Variants in NCOA1 observed in about 807,000 individuals in gnomAD.
NCOA1 encodes the protein Hin-2 protein.
Under a neutral mutation model 150.9 loss-of-function variants are expected in NCOA1, and 35 were observed. That is an observed-to-expected ratio of 0.23 (90% CI 0.18 to 0.31). The LOEUF is 0.31. Ranked by LOEUF, NCOA1 falls within the 10% of genes least tolerant of loss-of-function variation. The pLI is 1.00. For synonymous variants in NCOA1, 590 were observed against 630.0 expected (o/e 0.94, Z 0.95); for missense variants, 1,491 against 1,749.3 (o/e 0.85, Z 2.63).
intron 1 of NCOA1, among the ~76,000 whole-genome samples, chr2:24,503,623 A>G (rs892420077): frequency 2.0e-5 from 3 of 152,200 alleles, no homozygotes; most frequent in African/African-American, 7.2e-5. Context: ...ACAATACAAA[A>G]TATGTCACAT....
chr2:24,645,823 A>G (rs563838150), intron 4 of NCOA1, among the ~76,000 whole-genome samples: 3 of 152,288 alleles, frequency 2.0e-5, no homozygotes, highest in South Asian at 2.1e-4. Flanking sequence ...GTTGTTTCCA[A>G]TCAGGACTGT....
intron 4 of NCOA1, among the ~76,000 whole-genome samples, chr2:24,645,758 G>A (rs1670441022): frequency 6.6e-6 from 1 of 152,076 alleles, no homozygotes; most frequent in East Asian, 1.9e-4. Flanking sequence ...TCAGATTGTG[G>A]AGCATATCGG....
chr2:24,537,502 C>G lies in NCOA1; in HGVS notation c.-395-26793C>G, dbSNP rs1033160665. Reference sequence around the variant, plus strand: ...TATGTATGTGTGTGTGTGTGTGTCTCTCTCTCTCTCTCTGTATATATATAA... The same window carrying G: ...TATGTATGTGTGTGTGTGTGTGTCTGTCTCTCTCTCTCTGTATATATATAA... On this transcript the variant is annotated intron_variant, in intron 1 of 22. Transcript: ENST00000348332. Among the ~76,000 whole-genome samples, 31 of 151,588 alleles carry G rather than the reference C, an allele frequency of 2.0e-4. 1 individual carries two copies. Among genetic ancestry groups the G allele is most frequent in the African/African-American group, 7.5e-4 (31 of 41,290 alleles).
chr2:24,516,983 C>CGTATATATACGTGTATATATAT lies in NCOA1; in HGVS notation c.-396+25390_-396+25391insCGTGTATATATATGTATATATA, dbSNP rs1326924141. Among the ~76,000 whole-genome samples, 56 of 51,408 alleles carry CGTATATATACGTGTATATATAT rather than the reference C, an allele frequency of 1.1e-3. 4 individuals are homozygous for CGTATATATACGTGTATATATAT. Among genetic ancestry groups the CGTATATATACGTGTATATATAT allele is most frequent in the African/African-American group, 2.3e-3 (56 of 24,250 alleles). 33.7% of individuals were successfully genotyped at this position (51,408 alleles called of 152,430 possible). On this transcript the variant is annotated intron_variant, in intron 1 of 22. Coordinates refer to ENST00000348332, the MANE Select transcript of NCOA1 (RefSeq NM_003743.5). ...ATATATACGTATATATACACATATA[C>CGTATATATACGTGTATATATAT]GTATATATATACACACGCGCGCACA...
Position 24,739,398 on chromosome 2 carries a change from A to G in NCOA1, c.3202-34A>G. ...TAAGGCCCGTGTTATGCTTGTGTGTAGAAATATATCTTATTGTTTCCATTT... is the reference window on the plus strand; with the variant it reads ...TAAGGCCCGTGTTATGCTTGTGTGTGGAAATATATCTTATTGTTTCCATTT... On this transcript the variant is annotated intron_variant, in intron 17 of 22. Transcript: ENST00000348332. 7 of 1,456,728 alleles carry G rather than the reference A, an allele frequency of 4.8e-6. No homozygotes were observed. In the South Asian group the frequency reaches 5.7e-5, roughly 12 times the overall value. The allele number at this position is 1,456,728 out of a possible 1,614,324, so 90.2% of individuals were successfully genotyped here. A position where few individuals can be genotyped will look rare whatever the true frequency, so the allele number is the denominator to read the frequency against.
chr2:24,746,721 G>A (rs1255071994), intron 19 of NCOA1, among the ~76,000 whole-genome samples: 1 of 152,132 alleles, frequency 6.6e-6, no homozygotes, highest in Non-Finnish European at 1.5e-5. Flanking sequence ...TGCTAAAACT[G>A]GGTCATTTCA....
In NCOA1 at chr2:24,693,245, T is replaced by A; in HGVS notation, c.713-7T>A. 1 of 1,613,794 alleles carries A rather than the reference T, an allele frequency of 6.2e-7. No homozygotes were observed. The highest frequency in any genetic ancestry group is 8.5e-7 in the Non-Finnish European group (1 of 1,179,628). On this transcript the variant is annotated splice_region_variant and splice_polypyrimidine_tract_variant and intron_variant, in intron 9 of 22. Transcript: ENST00000348332. ...ATCCTTCAATTTCCCCGTCTTGTTT[T>A]GGGCAGATTTCCAGTCATGTCTGAT... is the stretch of plus-strand genomic sequence containing the variant.
intron 8 of NCOA1, among the ~76,000 whole-genome samples, chr2:24,687,333 C>A (rs1277322102): frequency 2.6e-5 from 4 of 151,950 alleles, no homozygotes; most frequent in Admixed American, 6.6e-5. Context: ...TTATCTAAGC[C>A]AAGCTATAAA....
intron 20 of NCOA1, among the ~76,000 whole-genome samples, chr2:24,756,126 C>A (rs935477399): frequency 2.0e-5 from 3 of 150,758 alleles, no homozygotes; most frequent in Non-Finnish European, 4.4e-5. Context: ...TGATGGCACA[C>A]GCCTGTAATC....
rs868578428 is a variant in NCOA1, at chr2:24,546,220, A to G, written c.-395-18075A>G. Among the ~76,000 whole-genome samples the G allele has an allele frequency of 9.9e-5, 15 of 152,072 alleles. No homozygotes were observed. The Middle Eastern group carries it at 0.01, about 103-fold the overall frequency. ...ATCCCATCTCTTAAAAAAAAAAAAA[A>G]GCTCACTTAATGCAAAAAATCCACA... On this transcript the variant is annotated intron_variant, in intron 1 of 22. Coordinates refer to ENST00000348332, the MANE Select transcript of NCOA1 (RefSeq NM_003743.5).
chr2:24,557,813 TAAG>T (rs1381652194), intron 1 of NCOA1, among the ~76,000 whole-genome samples: 1 of 152,154 alleles, frequency 6.6e-6, no homozygotes, highest in Admixed American at 6.5e-5. Context: ...ACTTTCCTGA[TAAG>T]AAGTCTTCTG....
intron 1 of NCOA1, among the ~76,000 whole-genome samples, chr2:24,513,301 G>A (rs2148112866): frequency 6.6e-6 from 1 of 152,130 alleles, no homozygotes; most frequent in Admixed American, 6.5e-5. Flanking sequence ...AGGAAACATT[G>A]TTCTGAATAT....
chr2:24,742,216 A>G (rs890517150), intron 19 of NCOA1, 30 bp downstream of exon 19: 1 of 1,580,434 alleles, frequency 6.3e-7, no homozygotes, highest in Non-Finnish European at 8.6e-7. Flanking sequence ...ATGTTGTTCT[A>G]AGTAATCCAT....
intron 5 of NCOA1, among the ~76,000 whole-genome samples, chr2:24,662,908 C>CT (rs1671249066): frequency 6.6e-6 from 1 of 151,990 alleles, no homozygotes; most frequent in Non-Finnish European, 1.5e-5. Context: ...CCCACTCAGC[C>CT]TCCTGAGTAA....
chr2:24,677,068 G>T (rs1671944674), intron 7 of NCOA1, among the ~76,000 whole-genome samples: 1 of 152,170 alleles, frequency 6.6e-6, no homozygotes, highest in Non-Finnish European at 1.5e-5. Context: ...TTGGGGCCAG[G>T]CATGGTGGCT....
At chr2:24,699,358 T>C (rs1011330064) in intron 11 of NCOA1, among the ~76,000 whole-genome samples, 4 of 152,204 alleles carry the variant, frequency 2.6e-5, no homozygotes, top group African/African-American at 9.7e-5. Context: ...AGGCTCCCCA[T>C]AGATGTGACT....
chr2:24,675,034 G>T (rs1431279940), intron 7 of NCOA1, among the ~76,000 whole-genome samples: 1 of 152,000 alleles, frequency 6.6e-6, no homozygotes, highest in East Asian at 1.9e-4. Flanking sequence ...CTACCCCTCT[G>T]GTTACTCCTC....
At chr2:24,662,300 C>A (rs1454870138) in intron 5 of NCOA1, among the ~76,000 whole-genome samples, 1 of 152,188 alleles carries the variant, frequency 6.6e-6, no homozygotes. Flanking sequence ...TTCATTCATT[C>A]TTCTAGGAGA....
Position 24,674,151 on chromosome 2 carries a change from G to GTGTGTA in NCOA1, c.354+689_354+690insGTGTAT, listed in dbSNP as rs141963010. Among the ~76,000 whole-genome samples the GTGTGTA allele has an allele frequency of 1.2e-3, 180 of 145,172 alleles. 1 individual carries two copies. The highest frequency in any genetic ancestry group is 7.6e-3 in the South Asian group (35 of 4,626). Reference sequence around the variant, plus strand: ...TGTGTGTGTGTGTGTGTGTGTGTGTGTATATATTTCTATCTCTAGGTCTAA... The same window carrying GTGTGTA: ...TGTGTGTGTGTGTGTGTGTGTGTGTGTGTGTATATATATTTCTATCTCTAGGTCTAA... On this transcript the variant is annotated intron_variant, in intron 7 of 22. Coordinates refer to ENST00000348332, the MANE Select transcript of NCOA1 (RefSeq NM_003743.5).
Sources: gnomAD v4.1 joint callset for allele counts (sites outside exome capture counted in the v4.1 genomes callset) on GRCh38, gnomAD v4.1.1 for gene constraint, MANE v1.5 for transcripts, NCBI Gene and HGNC (gene_info 2026-07-23, HGNC 2026-07-21) for gene names.